Variants in DAD1 observed in about 807,000 individuals in gnomAD.
DAD1 encodes the protein defender against cell death 1.
Under a neutral mutation model 9.0 loss-of-function variants are expected in DAD1, and 4 were observed. The observed-to-expected ratio is 0.44, with a 90% CI of 0.22 to 1.01. DAD1 has a LOEUF of 1.01. Among genes scored for constraint, DAD1 ranks in the 50% least tolerant of loss-of-function variants. The pLI, the probability that DAD1 is intolerant of heterozygous loss-of-function variation, is 0.24. For missense variants in DAD1, 119 were observed against 137.3 expected (o/e 0.87, Z 0.67); for synonymous variants, 60 against 62.5 (o/e 0.96, Z 0.19).
In DAD1 at chr14:22,589,167, C is replaced by T; in HGVS notation, c.-10G>A. On this transcript the variant is annotated 5_prime_UTR_variant, in exon 1 of 3. Coordinates refer to ENST00000250498, the MANE Select transcript of DAD1 (RefSeq NM_001344.4). ...CTACCGACGCCGACATAACTGCACGCAAGGTACTCCGGTCCGCGCCCCAAA... is the reference window on the plus strand; with the variant it reads ...CTACCGACGCCGACATAACTGCACGTAAGGTACTCCGGTCCGCGCCCCAAA... The T allele has an allele frequency of 6.2e-7, 1 of 1,614,066 alleles. No individual in the cohort carries two copies. Among genetic ancestry groups the T allele is most frequent in the Non-Finnish European group, 8.5e-7 (1 of 1,179,932 alleles).
intron 2 of DAD1, among the ~76,000 whole-genome samples, chr14:22,566,673 T>C (rs2037004135): frequency 6.6e-6 from 1 of 152,248 alleles, no homozygotes; most frequent in Non-Finnish European, 1.5e-5. Context: ...TAGATCATAA[T>C]GCCATTTTCA....
At chr14:22,585,884 CA>C (rs1223955904) in intron 1 of DAD1, among the ~76,000 whole-genome samples, 1 of 152,178 alleles carries the variant, frequency 6.6e-6, no homozygotes, top group African/African-American at 2.4e-5. Flanking sequence ...ATGCTAACAC[CA>C]ATTTTAAATC....
Position 22,589,035 on chromosome 14 carries a change from C to A in DAD1, c.123G>T (p.Gln41His), listed in dbSNP as rs1056595836. The A allele has an allele frequency of 8.7e-6, 14 of 1,614,240 alleles. No individual in the cohort carries two copies. Among genetic ancestry groups the A allele is most frequent in the Non-Finnish European group, 1.2e-5 (14 of 1,180,028 alleles). Residue 41 changes from glutamine (Q) to histidine (H), a missense_variant, in exon 1 of 3, where the codon CAG becomes CAT. Transcript: ENST00000250498. ...TCCCCACGAGGAGACAGTAACCGAA[C>A]TGCAGCGCCCCGGTCAGCAGTATAT... is the stretch of plus-strand genomic sequence containing the variant. The part of the protein sequence containing the change: ...LLYILLTGAL[Q>H]FGYCLLVGTF...
intron 1 of DAD1, among the ~76,000 whole-genome samples, chr14:22,582,856 A>C (rs1203997901): frequency 6.6e-6 from 1 of 152,004 alleles, no homozygotes; most frequent in South Asian, 2.1e-4. Flanking sequence ...AAATACAAAA[A>C]TTAGCCGGGC....
intron 2 of DAD1, chr14:22,567,195 A>G (rs568290228): frequency 6.6e-6 from 1 of 152,340 alleles, no homozygotes; most frequent in Non-Finnish European, 1.5e-5. Flanking sequence ...AACACAAAGA[A>G]CTGTTAAAAA....
intron 2 of DAD1, among the ~76,000 whole-genome samples, chr14:22,574,857 GA>G (rs2139240164): frequency 6.6e-6 from 1 of 152,302 alleles, no homozygotes; most frequent in South Asian, 2.1e-4. Context: ...ATGATTTGAA[GA>G]ACAGAAAGAC....
chr14:22,566,874 G>A (rs1468282001), intron 2 of DAD1, among the ~76,000 whole-genome samples: 2 of 152,148 alleles, frequency 1.3e-5, no homozygotes, highest in Non-Finnish European at 2.9e-5. Context: ...TGTTTACAAA[G>A]ATCTGCTTCC....
intron 2 of DAD1, among the ~76,000 whole-genome samples, chr14:22,573,271 G>C (rs558376573): frequency 6.6e-6 from 1 of 151,628 alleles, no homozygotes; most frequent in African/African-American, 2.4e-5. Flanking sequence ...CTCGCCTTCC[G>C]AAAGTGCTGG....
rs117115688 is a variant in DAD1 at position 22,581,849 on chromosome 14, G to C, written c.212-6616C>G. Among the ~76,000 whole-genome samples, 421 of 151,222 alleles carry C rather than the reference G, an allele frequency of 2.8e-3. 10 individuals are homozygous for C. The South Asian group carries it at 0.045, about 16-fold the overall frequency. ...ATCCTGAGGGGCATGGTAAGCCTCA[G>C]AAAACAGTACGGATTCAGTTATAAG... On this transcript the variant is annotated intron_variant, in intron 1 of 2. Coordinates refer to ENST00000250498, the MANE Select transcript of DAD1 (RefSeq NM_001344.4).
chr14:22,587,178 A>G (rs1285286159), intron 1 of DAD1, among the ~76,000 whole-genome samples: 1 of 152,210 alleles, frequency 6.6e-6, no homozygotes, highest in Non-Finnish European at 1.5e-5. Context: ...CTATAACTCT[A>G]GTCCATGCCC....
chr14:22,589,153 G>A lies in DAD1; in HGVS notation c.5C>T (p.Ser2Leu), dbSNP rs11550455. M[S>L]ASVVSVISRF... is the part of the protein sequence containing the mutation. ...CGAAATGACAGACACTACCGACGCC[G>A]ACATAACTGCACGCAAGGTACTCCG... is the stretch of plus-strand genomic sequence containing the variant. Residue 2 changes from serine to leucine, a missense_variant, in exon 1 of 3, where the codon TCG becomes TTG. By Grantham distance (145) the Ser-to-Leu change is moderately radical. Transcript: ENST00000250498. 43 of 1,613,978 alleles carry A rather than the reference G, an allele frequency of 2.7e-5. No homozygotes were observed. The highest frequency in any genetic ancestry group is 3.4e-5 in the Non-Finnish European group (40 of 1,180,012).
chr14:22,565,685 T>A (rs1474598721), intron 2 of DAD1, among the ~76,000 whole-genome samples: 1 of 152,054 alleles, frequency 6.6e-6, no homozygotes. Context: ...AAGAAAAAGG[T>A]GAAGAAAGAG....
At position 22,565,489 on chromosome 14, in the gene DAD1, T is replaced by G. The variant is rs150868016; in HGVS notation, c.*45-352A>C. On this transcript the variant is annotated intron_variant, in intron 2 of 2. Transcript: ENST00000250498. Reference sequence around the variant, plus strand: ...CAAATTCTTTGAGGTGAGAGGGTTGTAGTTTAACCTAAAGAGCTTTCTGGA... The same window carrying G: ...CAAATTCTTTGAGGTGAGAGGGTTGGAGTTTAACCTAAAGAGCTTTCTGGA... Among the ~76,000 whole-genome samples the G allele has an allele frequency of 3.3e-5, 5 of 152,300 alleles. No individual in the cohort carries two copies. In the East Asian group the frequency reaches 9.6e-4, roughly 29 times the overall value.
rs772565884 is a variant in DAD1 at position 22,589,197 on chromosome 14, T to TG, written c.-41dup. ...TACTCCGGTCCGCGCCCCAAACTCT[T>TG]GGAGGACCCGTCGACCACACCGGAT... On this transcript the variant is annotated 5_prime_UTR_variant, in exon 1 of 3. Coordinates refer to ENST00000250498, the MANE Select transcript of DAD1 (RefSeq NM_001344.4). 3.4e-4 allele frequency: 545 copies of TG among 1,605,560 alleles called. 2 individuals carry two copies. Among genetic ancestry groups the TG allele is most frequent in the Admixed American group, 6.7e-5 (4 of 59,884 alleles).
At chr14:22,569,522 A>C (rs2037024248) in intron 2 of DAD1, among the ~76,000 whole-genome samples, 1 of 152,220 alleles carries the variant, frequency 6.6e-6, no homozygotes, top group African/African-American at 2.4e-5. Context: ...GGGAGAGAGA[A>C]GAAAGTGAAT....
intron 2 of DAD1, among the ~76,000 whole-genome samples, chr14:22,570,080 G>A (rs950536550): frequency 2.1e-4 from 32 of 152,194 alleles, no homozygotes; most frequent in African/African-American, 7.7e-4. Flanking sequence ...CCCTCTGAGA[G>A]AGCTTATTTG....
At position 22,589,034 on chromosome 14, in the gene DAD1, AC is replaced by A. The variant is rs1406148668; in HGVS notation, c.123del (p.Gln41HisfsTer29). ...LLYILLTGAL[Q>X]FGYCLLVGTF... The stretch of plus-strand genomic sequence containing the variant: ...GTCCCCACGAGGAGACAGTAACCGA[AC>A]TGCAGCGCCCCGGTCAGCAGTATAT... On this transcript the variant is annotated frameshift_variant, in exon 1 of 3. Coordinates refer to ENST00000250498, the MANE Select transcript of DAD1 (RefSeq NM_001344.4). LOFTEE classifies it high-confidence loss of function. The A allele has an allele frequency of 3.1e-6, 5 of 1,614,098 alleles. No individual in the cohort carries two copies. Among genetic ancestry groups the A allele is most frequent in the Non-Finnish European group, 4.2e-6 (5 of 1,180,038 alleles).
intron 2 of DAD1, among the ~76,000 whole-genome samples, chr14:22,569,051 A>C (rs1320600033): frequency 6.6e-6 from 1 of 152,138 alleles, no homozygotes; most frequent in South Asian, 2.1e-4. Context: ...CTCTCCTATG[A>C]ATCTTTGCCT....
At chr14:22,579,838 TCC>T (rs1566803166) in intron 1 of DAD1, among the ~76,000 whole-genome samples, 2 of 102,800 alleles carry the variant, frequency 1.9e-5, no homozygotes, top group African/African-American at 4.3e-5. Flanking sequence ...AAAAAGCCAA[TCC>T]TTTTTTTTTT....
Sources: gnomAD v4.1 joint callset for allele counts (sites outside exome capture counted in the v4.1 genomes callset) on GRCh38, gnomAD v4.1.1 for gene constraint, MANE v1.5 for transcripts, NCBI Gene and HGNC (gene_info 2026-07-23, HGNC 2026-07-21) for gene names.